The following PDE4D variants were observed in gnomAD, a reference collection of about 807,000 sequenced individuals.
The protein encoded by PDE4D is 3',5'-cyclic-AMP phosphodiesterase 4D.
PDE4D carries 24 observed loss-of-function variants against 87.4 expected under a neutral mutation model. That is an observed-to-expected ratio of 0.27 (90% CI 0.20 to 0.39). The LOEUF (loss-of-function observed/expected upper bound fraction) is 0.39, where lower values mean the gene tolerates loss of function less well. PDE4D is among the 10% of genes least tolerant of loss of function. The pLI is 1.00. For synonymous variants in PDE4D, 384 were observed against 383.2 expected, an observed-to-expected ratio of 1.00 and a Z score of -0.02; for missense variants, 714 against 1,041.0, an observed-to-expected ratio of 0.69 and a Z score of 4.32.
At position 60,375,119 on chromosome 5, in the gene PDE4D, T is replaced by C. The variant is rs77858454; in HGVS notation, c.-90+112823A>G. 6.9e-3 allele frequency among the ~76,000 whole-genome samples: 1,055 copies of C among 152,308 alleles called. 6 individuals are homozygous for C. Among genetic ancestry groups the C allele is most frequent in the Non-Finnish European group, 0.011 (774 of 68,028 alleles). On this transcript the variant is annotated intron_variant, in intron 1 of 16. Coordinates refer to the PDE4D transcript ENST00000502484. ...TCAGCTTCTTTAATCAGAGTCTTGTTCTTTCTACTTCTAAACTTTCTCAAA... is the reference window on the plus strand; with the variant it reads ...TCAGCTTCTTTAATCAGAGTCTTGTCCTTTCTACTTCTAAACTTTCTCAAA...
chr5:59,642,101 A>G (rs1741680655), intron 1 of PDE4D, among the ~76,000 whole-genome samples: 1 of 152,144 alleles, frequency 6.6e-6, no homozygotes, highest in Non-Finnish European at 1.5e-5. Flanking sequence ...GTGGAAGTAA[A>G]GGAGATACAT....
chr5:59,404,926 C>A (rs1387313753), intron 1 of PDE4D, among the ~76,000 whole-genome samples: 1 of 151,712 alleles, frequency 6.6e-6, no homozygotes, highest in Admixed American at 6.6e-5. Context: ...GTTCACTGTA[C>A]ATGTATGAAT....
chr5:59,787,386 A>G (rs571585389), intron 1 of PDE4D, among the ~76,000 whole-genome samples: 2 of 152,114 alleles, frequency 1.3e-5, no homozygotes, highest in South Asian at 4.1e-4. Flanking sequence ...GTTTTATCTT[A>G]AGGTGCTGAT....
chr5:60,074,764 T>C (rs1773099620), intron 2 of PDE4D, among the ~76,000 whole-genome samples: 1 of 152,226 alleles, frequency 6.6e-6, no homozygotes, highest in Non-Finnish European at 1.5e-5. Flanking sequence ...ATAATATCCT[T>C]CTTCATCTTT....
intron 1 of PDE4D, among the ~76,000 whole-genome samples, chr5:59,502,606 A>G (rs1263104353): frequency 6.6e-6 from 1 of 151,924 alleles, no homozygotes; most frequent in Non-Finnish European, 1.5e-5. Flanking sequence ...TAATTCAATT[A>G]GGAAAATTGA....
chr5:59,707,032 T>C (rs994080749), intron 1 of PDE4D, among the ~76,000 whole-genome samples: 4 of 152,190 alleles, frequency 2.6e-5, no homozygotes, highest in Non-Finnish European at 4.4e-5. Context: ...TAGCAGAAAC[T>C]TAATGCATGA....
chr5:59,613,334 T>A (rs958221704), intron 1 of PDE4D, among the ~76,000 whole-genome samples: 1 of 152,176 alleles, frequency 6.6e-6, no homozygotes, highest in Non-Finnish European at 1.5e-5. Context: ...GTTTTGGACA[T>A]GCTCAGTTTC....
chr5:60,339,288 T>G (rs1035764334), intron 1 of PDE4D, among the ~76,000 whole-genome samples: 18 of 152,148 alleles, frequency 1.2e-4, no homozygotes, highest in African/African-American at 4.3e-4. Context: ...TGGGCCATTA[T>G]TAAGTAAACT....
chr5:59,290,298 CAAAGGCGCCAAGTATATACTTTGGGAAAA>C (rs1767771239), intron 1 of PDE4D, among the ~76,000 whole-genome samples: 1 of 151,908 alleles, frequency 6.6e-6, no homozygotes, highest in Non-Finnish European at 1.5e-5. Flanking sequence ...TCATTTTCAA[CAAAGGCGCCAAGTATATACTTTGGGAAAA>C]GACAGTCTCC....
chr5:59,751,574 GGTGTGTGTGT>G (rs57407769), intron 1 of PDE4D, among the ~76,000 whole-genome samples: 28 of 142,738 alleles, frequency 2.0e-4, no homozygotes, highest in South Asian at 1.4e-3. Context: ...ATAAATCCCT[GGTGTGTGTGT>G]GTGTGTGTGT....
chr5:60,414,548 G>A (rs1334922715), intron 1 of PDE4D, among the ~76,000 whole-genome samples: 2 of 152,174 alleles, frequency 1.3e-5, no homozygotes, highest in South Asian at 2.1e-4. Context: ...ACATATATAA[G>A]TTAAAGATCA....
chr5:59,152,998 C>G (rs1368877422), intron 5 of PDE4D, among the ~76,000 whole-genome samples: 1 of 152,038 alleles, frequency 6.6e-6, no homozygotes, highest in Non-Finnish European at 1.5e-5. Context: ...GATCAGAGAT[C>G]TATTCTTGCA....
intron 2 of PDE4D, among the ~76,000 whole-genome samples, chr5:60,103,874 G>T (rs1430553699): frequency 6.6e-6 from 1 of 152,010 alleles, no homozygotes; most frequent in Non-Finnish European, 1.5e-5. Flanking sequence ...AAAAATCGAG[G>T]AAGAGACAAG....
At chr5:59,741,188 T>C (rs1235431769) in intron 1 of PDE4D, among the ~76,000 whole-genome samples, 1 of 152,144 alleles carries the variant, frequency 6.6e-6, no homozygotes, top group Non-Finnish European at 1.5e-5. Context: ...TGTGTCTATG[T>C]CCCACATTTT....
chr5:59,875,460 C>CAAAAAAAAAAAAAAAAAA (rs3062667), intron 1 of PDE4D, among the ~76,000 whole-genome samples: 6 of 39,694 alleles, frequency 1.5e-4, no homozygotes, highest in African/African-American at 6.2e-4. Context: ...ACCTCCGTCT[C>CAAAAAAAAAAAAAAAAAA]AAAAAAAAAA....
chr5:59,870,903 G>A (rs530324594), intron 1 of PDE4D, among the ~76,000 whole-genome samples: 4 of 152,226 alleles, frequency 2.6e-5, no homozygotes, highest in Admixed American at 6.5e-5. Context: ...GGCATGGGAT[G>A]TGCAGTTGCC....
At chr5:59,981,185 G>A (rs1395247206) in intron 3 of PDE4D, among the ~76,000 whole-genome samples, 6 of 152,134 alleles carry the variant, frequency 3.9e-5, no homozygotes, top group Admixed American at 3.9e-4. Context: ...CTGGGGGGCG[G>A]AGGTTGCAGT....
In PDE4D at chr5:59,244,376, C is replaced by T. The variant is rs536093849; in HGVS notation, c.456-28408G>A. On this transcript the variant is annotated intron_variant, in intron 1 of 14. Transcript: ENST00000340635. The stretch of plus-strand genomic sequence containing the variant: ...TTGTGCCACTGCACTCCAGCCTGGG[C>T]GATAGGGCGACTTCATCTCAAAAAA... 5.9e-5 allele frequency among the ~76,000 whole-genome samples: 9 copies of T among 151,418 alleles called. No homozygotes were observed. The East Asian group carries it at 7.8e-4, about 13-fold the overall frequency.
intron 1 of PDE4D, among the ~76,000 whole-genome samples, chr5:59,338,042 T>A (rs938462578): frequency 6.6e-6 from 1 of 152,240 alleles, no homozygotes; most frequent in Non-Finnish European, 1.5e-5. Context: ...ACACAAGAAC[T>A]ACTTGTTTCA....
Sources: gnomAD v4.1 joint callset for allele counts (sites outside exome capture counted in the v4.1 genomes callset) on GRCh38, gnomAD v4.1.1 for gene constraint, MANE v1.5 for transcripts, NCBI Gene and HGNC (gene_info 2026-07-23, HGNC 2026-07-21) for gene names.